MARCHF3: variants seen among roughly 807,000 people sequenced by gnomAD.
MARCHF3 encodes E3 ubiquitin-protein ligase MARCHF3.
Under a neutral mutation model 24.2 loss-of-function variants are expected in MARCHF3, and 13 were observed. That is an observed-to-expected ratio of 0.54 (90% CI 0.35 to 0.85). The LOEUF is 0.85. Among genes scored for constraint, MARCHF3 ranks in the 40% least tolerant of loss-of-function variants. The probability of loss-of-function intolerance (pLI) is 0.01; values close to 1 mark genes in which losing one functional copy is unlikely to be tolerated. For missense variants in MARCHF3, 276 were observed against 325.0 expected (o/e 0.85, Z 1.16); for synonymous variants, 144 against 137.3 (o/e 1.05, Z -0.34).
intron 3 of MARCHF3, among the ~76,000 whole-genome samples, chr5:126,910,579 T>C (rs531342352): frequency 8.9e-4 from 136 of 152,364 alleles, no homozygotes; most frequent in Non-Finnish European, 1.6e-3. Flanking sequence ...AAATTAACAC[T>C]TTTATAATTT....
chr5:127,024,024 T>C (rs1376487763), intron 1 of MARCHF3, among the ~76,000 whole-genome samples: 3 of 152,122 alleles, frequency 2.0e-5, no homozygotes, highest in Non-Finnish European at 4.4e-5. Context: ...AGCTGCCTTT[T>C]CAAGATATGA....
intron 1 of MARCHF3, among the ~76,000 whole-genome samples, chr5:126,970,072 C>T (rs1750952055): frequency 6.6e-6 from 1 of 151,500 alleles, no homozygotes; most frequent in Non-Finnish European, 1.5e-5. Flanking sequence ...TCTTTTTCTT[C>T]TTCTTTTTTC....
At chr5:126,966,925 T>C (rs1290627814) in intron 1 of MARCHF3, among the ~76,000 whole-genome samples, 2 of 127,052 alleles carry the variant, frequency 1.6e-5, no homozygotes, top group Non-Finnish European at 3.4e-5. Context: ...TTTTTTTTTT[T>C]TTTTTTTTTT....
chr5:126,895,056 C>A (rs563629860), intron 3 of MARCHF3, among the ~76,000 whole-genome samples: 7 of 151,914 alleles, frequency 4.6e-5, no homozygotes, highest in African/African-American at 9.7e-5. Context: ...TCATTTCATT[C>A]ATTTCATCTT....
intron 1 of MARCHF3, among the ~76,000 whole-genome samples, chr5:127,012,598 T>G (rs1471721781): frequency 5.3e-5 from 8 of 152,086 alleles, no homozygotes; most frequent in Non-Finnish European, 1.5e-5. Context: ...GGAACAGAAG[T>G]GCACAAAAAG....
chr5:126,905,887 T>C (rs1212465650), intron 3 of MARCHF3, among the ~76,000 whole-genome samples: 2 of 152,296 alleles, frequency 1.3e-5, no homozygotes, highest in African/African-American at 2.4e-5. Flanking sequence ...CATCCCTGTC[T>C]TGTGCCAGTT....
intron 1 of MARCHF3, among the ~76,000 whole-genome samples, chr5:126,991,296 G>A (rs1290878397): frequency 3.9e-5 from 6 of 152,202 alleles, no homozygotes; most frequent in East Asian, 1.9e-4. Flanking sequence ...ACTATCACAA[G>A]GACAGAAAAC....
rs1346953912 is a variant in MARCHF3, at chr5:127,030,542, G to C, written c.-249C>G. On this transcript the variant is annotated 5_prime_UTR_variant, in exon 1 of 5. Transcript: ENST00000308660. ...CGCCCACAGCGCGCTGACAATTCAC[G>C]GACCTGCTCAACGAGTGAGGCGGAA... 6.6e-6 allele frequency: 1 copy of C among 152,360 alleles called. No individual in the cohort carries two copies. Among genetic ancestry groups the C allele is most frequent in the African/African-American group, 2.4e-5 (1 of 41,468 alleles). The allele number at this position is 152,360 out of a possible 1,614,324, so 9.4% of individuals were successfully genotyped here.
intron 4 of MARCHF3, among the ~76,000 whole-genome samples, chr5:126,875,343 C>A (rs1350723554): frequency 6.6e-6 from 1 of 152,166 alleles, no homozygotes; most frequent in Non-Finnish European, 1.5e-5. Context: ...CGTGTGCCTG[C>A]GAGAAACTCC....
At chr5:127,007,628 T>A (rs1159198012) in intron 1 of MARCHF3, among the ~76,000 whole-genome samples, 1 of 152,120 alleles carries the variant, frequency 6.6e-6, no homozygotes, top group Non-Finnish European at 1.5e-5. Flanking sequence ...TAAGATCTGA[T>A]TGGATTGTTA....
Position 126,914,932 on chromosome 5 carries a change from C to G in MARCHF3, c.391G>C (p.Glu131Gln), listed in dbSNP as rs1174663767. The change falls in exon 3 of 5, where the codon GAG becomes CAG. Residue 131 changes from glutamate to glutamine, a missense_variant and splice_region_variant. Glu to Gln is a conservative substitution (Grantham distance 29). Coordinates refer to ENST00000308660, the MANE Select transcript of MARCHF3 (RefSeq NM_178450.5). ...AVERKPRPLV[E>Q]WLRNPGPQHE... ...CAGGACGTGCCCCACTTACTGACCT[C>G]CACTAACGGCCTGGGTTTGCGCTCG... The G allele has an allele frequency of 1.2e-5, 20 of 1,614,038 alleles. No homozygotes were observed. Among genetic ancestry groups the G allele is most frequent in the Non-Finnish European group, 1.7e-5 (20 of 1,180,048 alleles).
chr5:126,906,700 TTCTC>T (rs991428516), intron 3 of MARCHF3, among the ~76,000 whole-genome samples: 3 of 152,224 alleles, frequency 2.0e-5, no homozygotes, highest in Non-Finnish European at 1.5e-5. Context: ...TATTTGATTC[TTCTC>T]TCTTTTTTTC....
At chr5:126,870,932 G>T in intron 4 of MARCHF3, 141 bp from the exon 5 acceptor site, 4 of 1,162,608 alleles carry the variant, frequency 3.4e-6, no homozygotes, top group Non-Finnish European at 4.8e-6. Context: ...TGGGAAAATG[G>T]CTCTGGCACG....
At chr5:127,015,749 G>A (rs1342207068) in intron 1 of MARCHF3, among the ~76,000 whole-genome samples, 2 of 152,164 alleles carry the variant, frequency 1.3e-5, no homozygotes, top group Non-Finnish European at 2.9e-5. Context: ...ACTTATTTGT[G>A]GGTTCACTTT....
At chr5:126,908,674 G>T (rs578123179) in intron 3 of MARCHF3, among the ~76,000 whole-genome samples, 1 of 151,434 alleles carries the variant, frequency 6.6e-6, no homozygotes, top group Admixed American at 6.5e-5. Context: ...AGCTCCATCA[G>T]CTCCTTTAAG....
At chr5:126,977,904 T>C (rs2126833885) in intron 1 of MARCHF3, among the ~76,000 whole-genome samples, 1 of 152,324 alleles carries the variant, frequency 6.6e-6, no homozygotes, top group South Asian at 2.1e-4. Context: ...ACAAAAATTG[T>C]CATCCTTAGC....
intron 1 of MARCHF3, among the ~76,000 whole-genome samples, chr5:127,003,725 C>T (rs1329061792): frequency 6.6e-6 from 1 of 152,164 alleles, no homozygotes; most frequent in African/African-American, 2.4e-5. Flanking sequence ...AGTATACAAC[C>T]TTGGTAGATG....
At chr5:127,013,825 G>A (rs575720638) in intron 1 of MARCHF3, among the ~76,000 whole-genome samples, 5 of 152,068 alleles carry the variant, frequency 3.3e-5, no homozygotes, top group Admixed American at 6.6e-5. Context: ...TCAATAAATG[G>A]TGCTAAAAGC....
At chr5:126,883,696 T>C (rs777053776) in intron 3 of MARCHF3, among the ~76,000 whole-genome samples, 1 of 152,170 alleles carries the variant, frequency 6.6e-6, no homozygotes, top group Non-Finnish European at 1.5e-5. Context: ...CCCTACTGGT[T>C]GGTGGGGAAG....
Sources: allele counts gnomAD v4.1 joint callset (sites outside exome capture counted in the v4.1 genomes callset), GRCh38; gene constraint gnomAD v4.1.1; transcripts MANE v1.5; gene names NCBI Gene and HGNC (gene_info 2026-07-23, HGNC 2026-07-21).